KAT6B: variants seen among roughly 807,000 people sequenced by gnomAD.
KAT6B encodes the protein histone acetyltransferase KAT6B.
In KAT6B, 10 loss-of-function variants were observed where a neutral mutation model predicts 187.5. The ratio of observed to expected loss-of-function variants is 0.05; its 90% CI spans 0.03 to 0.09. KAT6B has a LOEUF of 0.09. KAT6B is among the 10% of genes least tolerant of loss of function. KAT6B has a pLI of 1.00. For missense variants in KAT6B, 1,952 were observed against 2,558.9 expected (o/e 0.76, Z 5.12); for synonymous variants, 861 against 926.8 (o/e 0.93, Z 1.29).
At chr10:74,910,702 T>G (rs1179910479) in intron 3 of KAT6B, among the ~76,000 whole-genome samples, 1 of 152,172 alleles carries the variant, frequency 6.6e-6, no homozygotes, top group Non-Finnish European at 1.5e-5. Context: ...ACTACAGATC[T>G]GCAACCTCCC....
At chr10:74,995,461 T>C (rs755412678) in intron 13 of KAT6B, among the ~76,000 whole-genome samples, 3 of 152,190 alleles carry the variant, frequency 2.0e-5, no homozygotes, top group Non-Finnish European at 4.4e-5. Context: ...TCTCTACCCA[T>C]TCCCATTCCC....
intron 3 of KAT6B, among the ~76,000 whole-genome samples, chr10:74,899,506 C>T (rs1392202729): frequency 6.6e-6 from 1 of 151,956 alleles, no homozygotes; most frequent in Non-Finnish European, 1.5e-5. Flanking sequence ...AACTCCTGAC[C>T]TCTGGTGATC....
chr10:74,870,093 A>G (rs1843807895), intron 3 of KAT6B, among the ~76,000 whole-genome samples: 1 of 151,944 alleles, frequency 6.6e-6, no homozygotes, highest in Non-Finnish European at 1.5e-5. Flanking sequence ...CAGCTTGGGC[A>G]ACTTAGCGAG....
At chr10:74,902,076 G>A (rs1202383368) in intron 3 of KAT6B, among the ~76,000 whole-genome samples, 2 of 152,076 alleles carry the variant, frequency 1.3e-5, no homozygotes, top group African/African-American at 2.4e-5. Context: ...TCCTCTGCAC[G>A]ATAGCCTGTC....
intron 3 of KAT6B, among the ~76,000 whole-genome samples, chr10:74,897,912 C>T (rs1679135295): frequency 6.6e-6 from 1 of 152,122 alleles, no homozygotes; most frequent in Admixed American, 6.5e-5. Context: ...AGGCAATTAG[C>T]TATAATTCAT....
intron 4 of KAT6B, among the ~76,000 whole-genome samples, chr10:74,961,817 AT>A (rs1841115545): frequency 6.6e-6 from 1 of 152,060 alleles, no homozygotes; most frequent in Non-Finnish European, 1.5e-5. Context: ...GTACAGTGTT[AT>A]GTTTTCTCTG....
intron 13 of KAT6B, among the ~76,000 whole-genome samples, chr10:74,997,733 G>A (rs12218784): frequency 0.08 from 12,167 of 152,130 alleles, 650 homozygotes; most frequent in South Asian, 0.27. Context: ...ACTGAAGAAA[G>A]TGTATATTGG....
In KAT6B at chr10:74,826,641, C is replaced by G. The variant is rs532886410; in HGVS notation, c.-473C>G. On this transcript the variant is annotated 5_prime_UTR_variant, in exon 1 of 18. Coordinates refer to ENST00000287239, the MANE Select transcript of KAT6B (RefSeq NM_012330.4). ...CATGTCAACGACAACAACAGGGGGA[C>G]ACAAAATGGCGGCGGCTTAGCTCCT... 6.5e-6 allele frequency: 1 copy of G among 153,762 alleles called. No individual in the cohort carries two copies. The highest frequency in any genetic ancestry group is 1.5e-5 in the Non-Finnish European group (1 of 68,274). The allele number at this position is 153,762 out of a possible 1,614,324, so 9.5% of individuals were successfully genotyped here. A position where few individuals can be genotyped will look rare whatever the true frequency, so the allele number is the denominator to read the frequency against.
intron 3 of KAT6B, among the ~76,000 whole-genome samples, chr10:74,872,807 A>G (rs1844098667): frequency 6.6e-6 from 1 of 151,740 alleles, no homozygotes; most frequent in Non-Finnish European, 1.5e-5. Context: ...GAGCCACTGT[A>G]CCTGTCTTAG....
At chr10:74,916,023 C>T (rs977576873) in intron 3 of KAT6B, among the ~76,000 whole-genome samples, 5 of 152,098 alleles carry the variant, frequency 3.3e-5, no homozygotes, top group Non-Finnish European at 4.4e-5. Flanking sequence ...ATTAGCCGGT[C>T]GTGGTGGTGT....
Sources: allele counts gnomAD v4.1 joint callset (sites outside exome capture counted in the v4.1 genomes callset), GRCh38; gene constraint gnomAD v4.1.1; transcripts MANE v1.5; gene names NCBI Gene and HGNC (gene_info 2026-07-23, HGNC 2026-07-21).